Variants in AUTS2 observed in about 807,000 individuals in gnomAD.
AUTS2 encodes the protein activator of transcription and developmental regulator AUTS2.
Under a neutral mutation model 112.4 loss-of-function variants are expected in AUTS2, and 17 were observed. That is an observed-to-expected ratio of 0.15 (90% confidence interval 0.10 to 0.23). The LOEUF (loss-of-function observed/expected upper bound fraction) is 0.23. Among genes scored for constraint, AUTS2 ranks in the 10% least tolerant of loss-of-function variants. AUTS2 has a pLI of 1.00. For synonymous variants in AUTS2, 751 were observed against 702.7 expected (o/e 1.07, Z -1.09); for missense variants, 1,510 against 1,701.6 (o/e 0.89, Z 1.98).
intron 4 of AUTS2, among the ~76,000 whole-genome samples, chr7:70,192,299 A>C (rs1430192359): frequency 6.6e-6 from 1 of 152,156 alleles, no homozygotes; most frequent in East Asian, 1.9e-4. Context: ...AGGGGGAAAA[A>C]AATCCCTGTT....
At chr7:70,057,869 A>T (rs1429382916) in intron 2 of AUTS2, among the ~76,000 whole-genome samples, 1 of 152,216 alleles carries the variant, frequency 6.6e-6, no homozygotes, top group Non-Finnish European at 1.5e-5. Context: ...CATCACTTTT[A>T]TTGTTAGCCT....
intron 1 of AUTS2, among the ~76,000 whole-genome samples, chr7:69,734,661 T>G (rs1184232319): frequency 1.3e-5 from 2 of 151,178 alleles, no homozygotes; most frequent in African/African-American, 4.9e-5. Context: ...TTTTTCCCCA[T>G]AATGGTAGGT....
chr7:69,810,078 G>A (rs1232039415), intron 1 of AUTS2, among the ~76,000 whole-genome samples: 1 of 152,154 alleles, frequency 6.6e-6, no homozygotes, highest in Non-Finnish European at 1.5e-5. Flanking sequence ...GTGTGACTCT[G>A]CTTCCCTCTT....
chr7:69,762,644 T>C (rs1238567954), intron 1 of AUTS2, among the ~76,000 whole-genome samples: 1 of 152,168 alleles, frequency 6.6e-6, no homozygotes, highest in African/African-American at 2.4e-5. Context: ...GGCTTCTGGC[T>C]AATTCGTGTT....
chr7:69,707,214 A>G (rs1658156658), intron 1 of AUTS2, among the ~76,000 whole-genome samples: 1 of 152,176 alleles, frequency 6.6e-6, no homozygotes, highest in Admixed American at 6.5e-5. Flanking sequence ...ATCAGACCTC[A>G]TCTGCATACT....
At chr7:70,640,337 C>G (rs1340755580) in intron 5 of AUTS2, among the ~76,000 whole-genome samples, 1 of 147,068 alleles carries the variant, frequency 6.8e-6, no homozygotes, top group Non-Finnish European at 1.5e-5. Flanking sequence ...AGTTATAAAT[C>G]TCTCAAGGGG....
At chr7:70,525,266 G>A (rs746597034) in intron 5 of AUTS2, among the ~76,000 whole-genome samples, 6 of 152,066 alleles carry the variant, frequency 3.9e-5, no homozygotes, top group African/African-American at 1.2e-4. Flanking sequence ...TTTTTCTCAC[G>A]ACTCAGGTTA....
chr7:70,730,707 C>T (rs1787336198), intron 6 of AUTS2, among the ~76,000 whole-genome samples: 1 of 152,078 alleles, frequency 6.6e-6, no homozygotes, highest in Admixed American at 6.5e-5. Context: ...AATAATGCTG[C>T]CGTGAACATT....
chr7:69,812,384 A>G (rs1790581050), intron 1 of AUTS2, among the ~76,000 whole-genome samples: 1 of 152,168 alleles, frequency 6.6e-6, no homozygotes, highest in Non-Finnish European at 1.5e-5. Flanking sequence ...CACAAATACA[A>G]GGGTTCTTCC....
chr7:70,420,093 G>A (rs1365842240), intron 4 of AUTS2, among the ~76,000 whole-genome samples: 4 of 152,172 alleles, frequency 2.6e-5, no homozygotes, highest in Non-Finnish European at 5.9e-5. Flanking sequence ...ACCAGAGCGA[G>A]GCTTTCTACA....
chr7:69,883,417 G>T (rs748972299), intron 1 of AUTS2, among the ~76,000 whole-genome samples: 1 of 151,772 alleles, frequency 6.6e-6, no homozygotes, highest in Non-Finnish European at 1.5e-5. Context: ...TGATTGCTCT[G>T]TGTAAATCAG....
intron 1 of AUTS2, among the ~76,000 whole-genome samples, chr7:69,606,847 T>C (rs1792749332): frequency 6.6e-6 from 1 of 152,206 alleles, no homozygotes; most frequent in African/African-American, 2.4e-5. Flanking sequence ...GTTCCATGAA[T>C]GTAGACTTTT....
chr7:69,793,999 G>C (rs531228398), intron 1 of AUTS2, among the ~76,000 whole-genome samples: 1 of 152,302 alleles, frequency 6.6e-6, no homozygotes, highest in Non-Finnish European at 1.5e-5. Flanking sequence ...GGAGCATGGG[G>C]CTCCTGGCAT....
At chr7:69,979,858 T>C (rs1472403785) in intron 2 of AUTS2, among the ~76,000 whole-genome samples, 1 of 152,274 alleles carries the variant, frequency 6.6e-6, no homozygotes, top group Non-Finnish European at 1.5e-5. Context: ...GCCTTGTTTT[T>C]TAAATGCCAT....
chr7:69,692,957 C>T lies in AUTS2; in HGVS notation c.309+92995C>T, dbSNP rs562789007. ...TTCCCTCAAAATTAATTTATAAACA[C>T]GCTAGAACTTTCCTCACCTTAATTT... On this transcript the variant is annotated intron_variant, in intron 1 of 18. Coordinates refer to ENST00000342771, the MANE Select transcript of AUTS2 (RefSeq NM_015570.4). Among the ~76,000 whole-genome samples, 4 of 152,294 alleles carry T rather than the reference C, an allele frequency of 2.6e-5. No homozygotes were observed. In the East Asian group the frequency reaches 5.8e-4, roughly 22 times the overall value.
chr7:69,706,177 A>G (rs1798054650), intron 1 of AUTS2, among the ~76,000 whole-genome samples: 1 of 152,120 alleles, frequency 6.6e-6, no homozygotes, highest in Non-Finnish European at 1.5e-5. Flanking sequence ...AAGGAAATTT[A>G]TTTTGGGTGC....
At chr7:70,361,998 T>TA (rs1238728256) in intron 4 of AUTS2, among the ~76,000 whole-genome samples, 1 of 152,194 alleles carries the variant, frequency 6.6e-6, no homozygotes, top group Non-Finnish European at 1.5e-5. Context: ...AGAGAGAAGT[T>TA]AGAGTCTACA....
intron 4 of AUTS2, among the ~76,000 whole-genome samples, chr7:70,226,462 G>T (rs1811771788): frequency 6.6e-6 from 1 of 150,528 alleles, no homozygotes; most frequent in South Asian, 2.1e-4. Context: ...TCCTTGGCCT[G>T]CTGAAGTGCT....
intron 1 of AUTS2, among the ~76,000 whole-genome samples, chr7:69,841,526 A>C (rs1791980319): frequency 1.3e-5 from 2 of 152,220 alleles, no homozygotes; most frequent in Non-Finnish European, 2.9e-5. Context: ...CCAAACTATA[A>C]CACAAGGTTT....
Sources: gnomAD v4.1 joint callset for allele counts (sites outside exome capture counted in the v4.1 genomes callset) on GRCh38, gnomAD v4.1.1 for gene constraint, MANE v1.5 for transcripts, NCBI Gene and HGNC (gene_info 2026-07-23, HGNC 2026-07-21) for gene names.